IL16: variants seen among roughly 807,000 people sequenced by gnomAD.
The protein encoded by IL16 is pro-interleukin-16.
In IL16, 67 loss-of-function variants were observed where a neutral mutation model predicts 110.1. That is an observed-to-expected ratio of 0.61 (90% CI 0.50 to 0.75). The LOEUF (loss-of-function observed/expected upper bound fraction) is 0.75, where lower values mean the gene tolerates loss of function less well. IL16 is among the 30% of genes least tolerant of loss of function. The pLI is 0.00. For missense variants in IL16, 1,545 were observed against 1,655.0 expected (o/e 0.93, Z 1.15); for synonymous variants, 689 against 662.9 (o/e 1.04, Z -0.61).
intron 2 of IL16, among the ~76,000 whole-genome samples, chr15:81,252,285 A>C (rs1897793850): frequency 6.6e-6 from 1 of 152,210 alleles, no homozygotes; most frequent in Admixed American, 6.5e-5. Context: ...TGACATACCA[A>C]GGGGTTTGGA....
rs200434957 is a variant in IL16 at position 81,301,372 on chromosome 15, G to C, written c.3178G>C (p.Gly1060Arg). Residue 1060 changes from glycine (G) to arginine (R), a missense_variant, in exon 15 of 19, where the codon GGT becomes CGT. Gly to Arg is a moderately radical substitution (Grantham distance 125, BLOSUM62 -2). Coordinates refer to ENST00000683961, the MANE Select transcript of IL16 (RefSeq NM_172217.5). ...NLSELREYTE[G>R]LTEAKEDDDG... ...TTCAGAGCTGAGAGAATATACAGAG[G>C]GTCTCACGGAAGCCAAGGAAGACGA... is the stretch of plus-strand genomic sequence containing the variant. 1.2e-4 allele frequency: 200 copies of C among 1,612,790 alleles called. No individual in the cohort carries two copies. In the East Asian group the frequency reaches 3.5e-3, roughly 29 times the overall value.
intron 6 of IL16, among the ~76,000 whole-genome samples, chr15:81,277,898 T>C (rs1898985823): frequency 6.6e-6 from 1 of 152,110 alleles, no homozygotes; most frequent in Admixed American, 6.5e-5. Flanking sequence ...TGTTTGTGTA[T>C]TGAACAAATT....
chr15:81,198,057 A>G (rs1179581379), intron 1 of IL16, among the ~76,000 whole-genome samples: 1 of 152,134 alleles, frequency 6.6e-6, no homozygotes, highest in Non-Finnish European at 1.5e-5. Flanking sequence ...CCTGAAGTTA[A>G]GTGATGGTCA....
chr15:81,265,584 T>G, intron 3 of IL16, 75 bp from the exon 4 acceptor site: 2 of 1,527,452 alleles, frequency 1.3e-6, no homozygotes, highest in Non-Finnish European at 9.0e-7. Flanking sequence ...AATGAGGGGC[T>G]GATATTGTTC....
chr15:81,231,940 TA>T (rs1205706106), intron 2 of IL16, among the ~76,000 whole-genome samples: 1 of 152,070 alleles, frequency 6.6e-6, no homozygotes, highest in East Asian at 1.9e-4. Context: ...TATTCTGATC[TA>T]TTAGTCTTTT....
intron 1 of IL16, among the ~76,000 whole-genome samples, chr15:81,207,897 A>T (rs1270289861): frequency 1.3e-5 from 2 of 151,544 alleles, no homozygotes; most frequent in African/African-American, 4.9e-5. Context: ...ATATGCAGTA[A>T]TGGGATTGAT....
chr15:81,272,529 T>C (rs1414978136), intron 5 of IL16, among the ~76,000 whole-genome samples: 3 of 152,152 alleles, frequency 2.0e-5, no homozygotes, highest in Non-Finnish European at 4.4e-5. Context: ...CAATGGCAGA[T>C]AGAGCAGGTG....
chr15:81,304,540 G>A (rs1024703987), intron 16 of IL16, among the ~76,000 whole-genome samples: 6 of 152,152 alleles, frequency 3.9e-5, no homozygotes, highest in African/African-American at 1.2e-4. Flanking sequence ...CTTTCCAGAT[G>A]ATTAAAAGGG....
intron 2 of IL16, among the ~76,000 whole-genome samples, chr15:81,238,215 T>A (rs1383113784): frequency 6.6e-6 from 1 of 152,202 alleles, no homozygotes; most frequent in East Asian, 1.9e-4. Flanking sequence ...TCTCTGTATT[T>A]TAACTGGTGT....
At chr15:81,189,946 G>T (rs1895473209) in intron 1 of IL16, among the ~76,000 whole-genome samples, 1 of 152,236 alleles carries the variant, frequency 6.6e-6, no homozygotes, top group Admixed American at 6.5e-5. Context: ...AGATACTTGT[G>T]TGGGCAGAAA....
chr15:81,204,956 C>G (rs910397971), intron 1 of IL16, among the ~76,000 whole-genome samples: 1 of 151,948 alleles, frequency 6.6e-6, no homozygotes, highest in Non-Finnish European at 1.5e-5. Flanking sequence ...GGCCACAAAA[C>G]AAGACAAATT....
intron 2 of IL16, among the ~76,000 whole-genome samples, chr15:81,251,977 C>T (rs1326514818): frequency 6.6e-6 from 1 of 152,118 alleles, no homozygotes; most frequent in Non-Finnish European, 1.5e-5. Flanking sequence ...CAATGAAAAA[C>T]TGGTCCTATC....
At chr15:81,279,002 A>G in intron 7 of IL16, 112 bp downstream of exon 7, 2 of 755,994 alleles carry the variant, frequency 2.6e-6, no homozygotes, top group Non-Finnish European at 4.8e-6. Context: ...CACATGAGGC[A>G]CCTCACTGAT....
rs1336461896 is a variant in IL16, at chr15:81,306,006, C to G, written c.3519C>G (p.Thr1173=). Residue 1173 remains threonine (T), a synonymous_variant, in exon 17 of 19, where the codon ACC becomes ACG. Coordinates refer to ENST00000683961, the MANE Select transcript of IL16 (RefSeq NM_172217.5). ...LSINGKSLKG[T]THHDALAILR... ...TCAACGGCAAGTCTCTCAAGGGGACCACGCACCATGATGCCTTGGCCATCC... is the reference window on the plus strand; with the variant it reads ...TCAACGGCAAGTCTCTCAAGGGGACGACGCACCATGATGCCTTGGCCATCC... The G allele has an allele frequency of 6.2e-7, 1 of 1,614,222 alleles. No individual in the cohort carries two copies. Among genetic ancestry groups the G allele is most frequent in the African/African-American group, 1.3e-5 (1 of 75,050 alleles).
rs1897850076 is a variant in IL16 at position 81,253,746 on chromosome 15, G to T, written c.313-6026G>T. ...AAATAGTTTTTCTATACCCCCTAGGGCATTGTATTAATAATAGTCCAATCT... is the reference window on the plus strand; with the variant it reads ...AAATAGTTTTTCTATACCCCCTAGGTCATTGTATTAATAATAGTCCAATCT... On this transcript the variant is annotated intron_variant, in intron 2 of 18. Transcript: ENST00000683961. 4.6e-5 allele frequency among the ~76,000 whole-genome samples: 7 copies of T among 152,108 alleles called. No individual in the cohort carries two copies. The South Asian group carries it at 1.5e-3, about 32-fold the overall frequency.
intron 2 of IL16, among the ~76,000 whole-genome samples, chr15:81,243,316 T>G (rs1425376917): frequency 2.7e-5 from 4 of 150,038 alleles, no homozygotes; most frequent in Admixed American, 2.7e-4. Context: ...GCTGGGACCA[T>G]AGGCATGTGC....
intron 6 of IL16, among the ~76,000 whole-genome samples, chr15:81,276,641 T>A (rs1898924446): frequency 6.6e-6 from 1 of 152,236 alleles, no homozygotes; most frequent in Non-Finnish European, 1.5e-5. Context: ...ATCAAAATTG[T>A]GTCATATATG....
At chr15:81,205,207 A>T (rs1595944491) in intron 1 of IL16, among the ~76,000 whole-genome samples, 2 of 151,718 alleles carry the variant, frequency 1.3e-5, no homozygotes, top group Admixed American at 1.3e-4. Context: ...TCGGGAGGCT[A>T]AGGCAGGAGA....
At chr15:81,236,406 CCT>C (rs2142083476) in intron 2 of IL16, among the ~76,000 whole-genome samples, 1 of 152,136 alleles carries the variant, frequency 6.6e-6, no homozygotes, top group South Asian at 2.1e-4. Flanking sequence ...AGCTGTATCC[CCT>C]GAGTGTGTGG....
Sources: gnomAD v4.1 joint callset for allele counts (sites outside exome capture counted in the v4.1 genomes callset) on GRCh38, gnomAD v4.1.1 for gene constraint, MANE v1.5 for transcripts, NCBI Gene and HGNC (gene_info 2026-07-23, HGNC 2026-07-21) for gene names.